The following BTNL8 variants were observed in gnomAD, a reference collection of about 807,000 sequenced individuals.
The protein encoded by BTNL8 is butyrophilin like 8, also known as butyrophilin-like protein 8.
A neutral mutation model predicts 36.1 loss-of-function variants in BTNL8; 22 were observed. The observed-to-expected ratio is 0.61, with a 90% CI of 0.44 to 0.87. BTNL8 has a LOEUF of 0.87. BTNL8 is among the 40% of genes least tolerant of loss of function. BTNL8 has a pLI of 0.00. For missense variants in BTNL8, 526 were observed against 616.9 expected (o/e 0.85, Z 1.56); for synonymous variants, 203 against 235.6 (o/e 0.86, Z 1.27).
intron 3 of BTNL8, among the ~76,000 whole-genome samples, chr5:180,912,525 G>A (rs1253776139): frequency 1.3e-5 from 2 of 151,930 alleles, no homozygotes; most frequent in Non-Finnish European, 2.9e-5. Context: ...AGTATTTCTA[G>A]AGAAAAAGAA....
intron 3 of BTNL8, among the ~76,000 whole-genome samples, chr5:180,931,959 T>G (rs1268034515): frequency 7.9e-5 from 12 of 152,166 alleles, no homozygotes; most frequent in Admixed American, 7.9e-4. Context: ...CATTACTAAG[T>G]ATATACTCAA....
At chr5:180,910,473 G>C in intron 2 of BTNL8, among the ~76,000 whole-genome samples, 1 of 152,062 alleles carries the variant, frequency 6.6e-6, no homozygotes, top group Admixed American at 6.5e-5. Flanking sequence ...AAATATCCCA[G>C]CTGACAAAAG....
At chr5:180,947,388 C>A (rs939174808) in intron 3 of BTNL8, 124 bp from the exon 4 acceptor site, 2 of 1,290,764 alleles carry the variant, frequency 1.5e-6, no homozygotes, top group Non-Finnish European at 2.1e-6. Context: ...AAGTATTAAG[C>A]CTATAGGAGA....
At chr5:180,930,915 C>T (rs545217134) in intron 3 of BTNL8, among the ~76,000 whole-genome samples, 2 of 152,166 alleles carry the variant, frequency 1.3e-5, no homozygotes, top group Admixed American at 1.3e-4. Context: ...CAATGCTATC[C>T]CCATCAAGCT....
chr5:180,905,164 T>C (rs924361932), intron 1 of BTNL8, among the ~76,000 whole-genome samples: 6 of 150,844 alleles, frequency 4.0e-5, no homozygotes, highest in African/African-American at 1.5e-4. Context: ...CCTGGACTCT[T>C]TTTGGTTGGT....
rs113071395 is a variant in BTNL8, at chr5:180,948,368, G to T, written c.801G>T (p.Ala267=). 6.8e-7 allele frequency: 1 copy of T among 1,460,934 alleles called. No homozygotes were observed. Among genetic ancestry groups the T allele is most frequent in the Non-Finnish European group, 9.5e-7 (1 of 1,057,718 alleles). 90.5% of individuals were successfully genotyped at this position (1,460,934 alleles called of 1,614,324 possible). A position where few individuals can be genotyped will look rare whatever the true frequency, so the allele number is the denominator to read the frequency against. ...TTTCTGTTTCAGGGAAAATCCAGGCGGAACTGGGTAAGTATGTGTCATGTC... is the reference window on the plus strand; with the variant it reads ...TTTCTGTTTCAGGGAAAATCCAGGCTGAACTGGGTAAGTATGTGTCATGTC... ...FFSKFQWKIQ[A]ELDWRRKHGQ... The change falls in exon 5 of 8, where the codon GCG becomes GCT. Residue 267 remains alanine, a synonymous_variant. Coordinates refer to ENST00000340184, the MANE Select transcript of BTNL8 (RefSeq NM_001040462.3).
Position 180,911,386 on chromosome 5 carries a change from G to A in BTNL8, c.445G>A (p.Asp149Asn). Reference sequence around the variant, plus strand: ...TTCCATCACGGGATATGTTGATAGAGACATCCAGCTACTCTGTCAGTCCTC... The same window carrying A: ...TTCCATCACGGGATATGTTGATAGAAACATCCAGCTACTCTGTCAGTCCTC... Reference protein sequence around the residue: ...LISITGYVDRDIQLLCQSSGW... With the variant: ...LISITGYVDRNIQLLCQSSGW... The change falls in exon 3 of 8, where the codon GAC (aspartate) becomes AAC (asparagine). Residue 149 changes from aspartate (D) to asparagine (N), a missense_variant. Coordinates refer to ENST00000340184, the MANE Select transcript of BTNL8 (RefSeq NM_001040462.3). 1 of 1,614,170 alleles carries A rather than the reference G, an allele frequency of 6.2e-7. No individual in the cohort carries two copies. Among genetic ancestry groups the A allele is most frequent in the Non-Finnish European group, 8.5e-7 (1 of 1,180,030 alleles).
Position 180,950,689 on chromosome 5 carries a change from G to A in BTNL8, c.*145G>A. On this transcript the variant is annotated 3_prime_UTR_variant, in exon 8 of 8. Coordinates refer to ENST00000340184, the MANE Select transcript of BTNL8 (RefSeq NM_001040462.3). ...GAGTCAGGTGTCATGGCTGCCCTGA[G>A]CTGGGAGGGAAGAAGGCTGACATTA... 4 of 851,568 alleles carry A rather than the reference G, an allele frequency of 4.7e-6. 1 individual carries two copies. Among genetic ancestry groups the A allele is most frequent in the South Asian group, 3.3e-5 (2 of 59,958 alleles). The allele number at this position is 851,568 out of a possible 1,614,324, so 52.8% of individuals were successfully genotyped here.
In BTNL8 at chr5:180,950,731, A is replaced by T. The variant is rs1759518216; in HGVS notation, c.*187A>T. On this transcript the variant is annotated 3_prime_UTR_variant, in exon 8 of 8. Transcript: ENST00000340184. ...CTGACATTACATTTAGTTTGCTCTC[A>T]CTCCATCTGGCTAAGTGATCTTGAA... 3.2e-6 allele frequency: 2 copies of T among 624,154 alleles called. 1 individual carries two copies. Among genetic ancestry groups the T allele is most frequent in the Non-Finnish European group, 5.3e-6 (2 of 376,848 alleles). The allele number at this position is 624,154 out of a possible 1,614,324, so 38.7% of individuals were successfully genotyped here.
intron 3 of BTNL8, among the ~76,000 whole-genome samples, chr5:180,916,979 C>A (rs971570563): frequency 6.6e-6 from 1 of 151,646 alleles, no homozygotes; most frequent in African/African-American, 2.4e-5. Context: ...AAATCATAGG[C>A]CAACAAACCA....
intron 3 of BTNL8, among the ~76,000 whole-genome samples, chr5:180,945,335 T>C (rs1759183551): frequency 1.3e-5 from 2 of 152,184 alleles, no homozygotes; most frequent in African/African-American, 4.8e-5. Flanking sequence ...AAGTTAAACA[T>C]AAGACCTGCA....
chr5:180,950,336 T>A lies in BTNL8; in HGVS notation c.1295T>A (p.Leu432Gln). The change falls in exon 8 of 8, where the codon CTG becomes CAG. Residue 432 changes from leucine (L) to glutamine (Q), a missense_variant. Transcript: ENST00000340184. ...AATGACCAGTCCCTTATTTATACCC[T>A]GACATGTCGGTTTGAAGGCTTATTG... ...NINDQSLIYT[L>Q]TCRFEGLLRP... The A allele has an allele frequency of 6.8e-7, 1 of 1,463,724 alleles. No homozygotes were observed. Among genetic ancestry groups the A allele is most frequent in the South Asian group, 1.1e-5 (1 of 89,248 alleles). 90.7% of individuals were successfully genotyped at this position (1,463,724 alleles called of 1,614,324 possible).
At chr5:180,934,792 G>A (rs1758566858) in intron 3 of BTNL8, among the ~76,000 whole-genome samples, 1 of 152,192 alleles carries the variant, frequency 6.6e-6, no homozygotes, top group African/African-American at 2.4e-5. Flanking sequence ...TGGAAGGGCT[G>A]CAGCTCTTCT....
At chr5:180,939,787 C>T (rs1758836486) in intron 3 of BTNL8, among the ~76,000 whole-genome samples, 2 of 152,188 alleles carry the variant, frequency 1.3e-5, no homozygotes, top group Non-Finnish European at 2.9e-5. Context: ...CTGCAGAATA[C>T]ACATTCTTCT....
chr5:180,922,512 T>C (rs1757912172), intron 3 of BTNL8, among the ~76,000 whole-genome samples: 1 of 150,960 alleles, frequency 6.6e-6, no homozygotes, highest in East Asian at 1.9e-4. Flanking sequence ...TTGAGTGATT[T>C]TGTTAGCCTT....
In BTNL8 at chr5:180,949,412, A is replaced by G. The variant is rs1332718317; in HGVS notation, c.862+147A>G. On this transcript the variant is annotated intron_variant, in intron 7 of 7. Transcript: ENST00000340184. Reference sequence around the variant, plus strand: ...AGAAACTGGATGCTTGATCGCCCCCAAGGGTTCAGTGCCCCCAGACACACT... The same window carrying G: ...AGAAACTGGATGCTTGATCGCCCCCGAGGGTTCAGTGCCCCCAGACACACT... The G allele has an allele frequency of 4.1e-6, 5 of 1,217,672 alleles. 1 individual carries two copies. The highest frequency in any genetic ancestry group is 1.5e-5 in the African/African-American group (1 of 67,980). 75.4% of individuals were successfully genotyped at this position (1,217,672 alleles called of 1,614,324 possible).
chr5:180,915,161 A>G (rs778225083), intron 3 of BTNL8, among the ~76,000 whole-genome samples: 4 of 152,056 alleles, frequency 2.6e-5, no homozygotes, highest in Non-Finnish European at 5.9e-5. Flanking sequence ...CAGCCCCTGC[A>G]CTCTACTAGA....
intron 1 of BTNL8, chr5:180,902,390 G>C: frequency 6.4e-7 from 1 of 1,550,962 alleles, no homozygotes; most frequent in Non-Finnish European, 8.7e-7. Flanking sequence ...GACATGGTTT[G>C]TCAAATGTAA....
chr5:180,942,756 C>A (rs1472049581), intron 3 of BTNL8, among the ~76,000 whole-genome samples: 3 of 151,852 alleles, frequency 2.0e-5, no homozygotes, highest in Admixed American at 6.6e-5. Flanking sequence ...TGAACTAACC[C>A]CTATCTCTCA....
Sources: gnomAD v4.1 joint callset for allele counts (sites outside exome capture counted in the v4.1 genomes callset) on GRCh38, gnomAD v4.1.1 for gene constraint, MANE v1.5 for transcripts, NCBI Gene and HGNC (gene_info 2026-07-23, HGNC 2026-07-21) for gene names.